SS18L1: variants seen among roughly 807,000 people sequenced by gnomAD.
The protein encoded by SS18L1 is SS18L1 subunit of BAF chromatin remodeling complex.
A neutral mutation model predicts 70.3 loss-of-function variants in SS18L1; 32 were observed. That is an observed-to-expected ratio of 0.46 (90% CI 0.34 to 0.61). The LOEUF (loss-of-function observed/expected upper bound fraction) is 0.61, where lower values mean the gene tolerates loss of function less well. SS18L1 is among the 20% of genes least tolerant of loss of function. The probability of loss-of-function intolerance (pLI) is 0.01; values close to 1 mark genes in which losing one functional copy is unlikely to be tolerated. For missense variants in SS18L1, 430 were observed against 542.1 expected (o/e 0.79, Z 2.05); for synonymous variants, 237 against 229.7 (o/e 1.03, Z -0.29).
In SS18L1 at chr20:62,169,648, G is replaced by A. The variant is rs2057494767; in HGVS notation, c.917-3034G>A. ...ACAAAAACTAGCTGGGCTTGGTGGC[G>A]CATGTCTGTAAAGCCAGCTGCTTGT... On this transcript the variant is annotated intron_variant, in intron 8 of 10. Transcript: ENST00000331758. 5.3e-5 allele frequency among the ~76,000 whole-genome samples: 8 copies of A among 152,116 alleles called. No individual in the cohort carries two copies. The South Asian group carries it at 1.5e-3, about 28-fold the overall frequency.
At chr20:62,150,534 A>G (rs1252853193) in intron 1 of SS18L1, among the ~76,000 whole-genome samples, 1 of 151,018 alleles carries the variant, frequency 6.6e-6, no homozygotes, top group Non-Finnish European at 1.5e-5. Context: ...ATGTAGTGGC[A>G]GAAGACGGGG....
intron 10 of SS18L1, among the ~76,000 whole-genome samples, chr20:62,178,046 GTC>G (rs1233034607): frequency 7.1e-6 from 1 of 140,486 alleles, no homozygotes; most frequent in Non-Finnish European, 1.5e-5. Flanking sequence ...TTAAGACAGG[GTC>G]TCACTCTGTC....
chr20:62,180,339 T>C lies in SS18L1; in HGVS notation c.*1131T>C. The stretch of plus-strand genomic sequence containing the variant: ...CATTAAATCCCATTTAAATTCTGTG[T>C]GAACATTAAAGACAGCACACTTGCA... On this transcript the variant is annotated 3_prime_UTR_variant, in exon 11 of 11. Transcript: ENST00000331758. The C allele has an allele frequency of 5.3e-6, 1 of 188,384 alleles. No homozygotes were observed. Among genetic ancestry groups the C allele is most frequent in the African/African-American group, 2.3e-5 (1 of 42,920 alleles). 11.7% of individuals were successfully genotyped at this position (188,384 alleles called of 1,614,324 possible).
chr20:62,172,706 A>C lies in SS18L1; in HGVS notation c.941A>C (p.Gln314Pro). 1 of 1,614,138 alleles carries C rather than the reference A, an allele frequency of 6.2e-7. No homozygotes were observed. The highest frequency in any genetic ancestry group is 1.1e-5 in the South Asian group (1 of 91,086). The change falls in exon 9 of 11, where the codon CAG becomes CCG. Residue 314 changes from glutamine to proline, a missense_variant. Physicochemically the swap from Gln to Pro is moderately conservative, Grantham distance 76. Transcript: ENST00000331758. ...EGGNSQYSQQ[Q>P]AGYQQGAAQQ... Reference sequence around the variant, plus strand: ...GGAAACTCCCAGTACAGCCAGCAGCAGGCCGGGTACCAGCAGGGTGCCGCG... The same window carrying C: ...GGAAACTCCCAGTACAGCCAGCAGCCGGCCGGGTACCAGCAGGGTGCCGCG...
intron 1 of SS18L1, among the ~76,000 whole-genome samples, chr20:62,153,052 C>T (rs1346141304): frequency 6.6e-6 from 1 of 152,120 alleles, no homozygotes; most frequent in Admixed American, 6.5e-5. Context: ...ACTCACAGTT[C>T]CACAGGGCTG....
intron 8 of SS18L1, among the ~76,000 whole-genome samples, chr20:62,170,367 G>A (rs1349020453): frequency 1.3e-5 from 2 of 152,216 alleles, no homozygotes; most frequent in Admixed American, 6.5e-5. Flanking sequence ...TTAGCTGGGC[G>A]TGGTGGCGGG....
intron 8 of SS18L1, among the ~76,000 whole-genome samples, chr20:62,167,113 T>A (rs534933674): frequency 1.4e-5 from 2 of 140,710 alleles, no homozygotes; most frequent in East Asian, 4.9e-4. Flanking sequence ...TGGTATGATC[T>A]TGGCTCACTG....
At chr20:62,167,034 G>GTTTTT (rs1235961398) in intron 8 of SS18L1, among the ~76,000 whole-genome samples, 2 of 123,492 alleles carry the variant, frequency 1.6e-5, no homozygotes, top group East Asian at 2.6e-4. Context: ...GAGCTCAGGA[G>GTTTTT]TTTGTTTGTT....
chr20:62,177,385 T>A (rs568888905), intron 10 of SS18L1, among the ~76,000 whole-genome samples: 1 of 152,102 alleles, frequency 6.6e-6, no homozygotes, highest in African/African-American at 2.4e-5. Context: ...GCTTTCCGTC[T>A]TACCCAATGG....
chr20:62,166,226 A>G (rs2057427802), intron 8 of SS18L1, among the ~76,000 whole-genome samples: 1 of 152,074 alleles, frequency 6.6e-6, no homozygotes, highest in Non-Finnish European at 1.5e-5. Flanking sequence ...GGATTGCGCA[A>G]CCTCGTCCGG....
In SS18L1 at chr20:62,159,059, G is replaced by A. The variant is rs559814090; in HGVS notation, c.146+311G>A. 265 of 1,456,306 alleles carry A rather than the reference G, an allele frequency of 1.8e-4. 1 individual carries two copies. The African/African-American group carries it at 3.1e-3, about 17-fold the overall frequency. 90.2% of individuals were successfully genotyped at this position (1,456,306 alleles called of 1,614,324 possible). On this transcript the variant is annotated intron_variant, in intron 2 of 10. Transcript: ENST00000331758. This position sits in a 1 kb window ranked among gnomAD's most constrained non-coding sequence, Gnocchi z 4.4. ...CCAGCACGGAGGCCAGATATGTCCC[G>A]AGAGTCCCTGGCACAGCTGCGAAGC...
chr20:62,165,032 C>T (rs965437217), intron 7 of SS18L1, among the ~76,000 whole-genome samples: 2 of 152,226 alleles, frequency 1.3e-5, no homozygotes, highest in Non-Finnish European at 2.9e-5. Flanking sequence ...GCAGGGCAAG[C>T]CACCCTGGCC....
At chr20:62,173,954 C>T (rs1305183468) in intron 9 of SS18L1, among the ~76,000 whole-genome samples, 3 of 151,002 alleles carry the variant, frequency 2.0e-5, no homozygotes, top group Non-Finnish European at 4.4e-5. Context: ...GTGGAGGTTG[C>T]GGTGAGCCAA....
At position 62,161,445 on chromosome 20, in the gene SS18L1, C is replaced by T; in HGVS notation, c.241C>T (p.Gln81Ter). Reference sequence around the variant, plus strand: ...TTCCTGTTGCCTGCAGCCGCCCACGCAGAACATGAACCTGGGCCCTGGAGC... The same window carrying T: ...TTCCTGTTGCCTGCAGCCGCCCACGTAGAACATGAACCTGGGCCCTGGAGC... ...MQSLLPAPPT[Q>*]NMNLGPGALT... Residue 81 changes from glutamine to a stop codon, truncating the protein, a stop_gained, in exon 4 of 11, where the codon CAG becomes TAG. Transcript: ENST00000331758. LOFTEE classifies it high-confidence loss of function. The surrounding 1 kb of genome is among the most constrained non-coding windows in gnomAD (Gnocchi z 4.4). The T allele has an allele frequency of 6.2e-7, 1 of 1,612,906 alleles. No homozygotes were observed. Among genetic ancestry groups the T allele is most frequent in the East Asian group, 2.2e-5 (1 of 44,848 alleles).
chr20:62,163,360 A>G, intron 5 of SS18L1, 98 bp from the exon 6 acceptor site: 4 of 1,552,382 alleles, frequency 2.6e-6, no homozygotes, highest in Non-Finnish European at 3.5e-6. Flanking sequence ...GCACAGGAAA[A>G]TAACGAGGAA....
chr20:62,169,224 G>A (rs1406219904), intron 8 of SS18L1, among the ~76,000 whole-genome samples: 11 of 152,234 alleles, frequency 7.2e-5, no homozygotes, highest in Admixed American at 7.2e-4. Flanking sequence ...GTATGGAGCT[G>A]GGCGCATGGG....
chr20:62,149,894 G>A (rs1568736289), intron 1 of SS18L1, among the ~76,000 whole-genome samples: 1 of 152,224 alleles, frequency 6.6e-6, no homozygotes, highest in Non-Finnish European at 1.5e-5. Context: ...GACGTCGCGT[G>A]TTGCTAGTAC....
At chr20:62,179,133 CT>C in intron 10 of SS18L1, 48 bp from the exon 11 acceptor site, 1 of 1,609,968 alleles carries the variant, frequency 6.2e-7, no homozygotes, top group East Asian at 2.2e-5. Context: ...GTCTGTCTTC[CT>C]TTCACTCATT....
chr20:62,182,509 A>C lies in SS18L1; in HGVS notation c.*3301A>C, dbSNP rs2057730545. 5.4e-6 allele frequency: 1 copy of C among 184,562 alleles called. No individual in the cohort carries two copies. Among genetic ancestry groups the C allele is most frequent in the South Asian group, 1.9e-4 (1 of 5,266 alleles). The allele number at this position is 184,562 out of a possible 1,614,324, so 11.4% of individuals were successfully genotyped here. ...CATCCTATAAAGTGAGTTTTCATGA[A>C]GTTAACGGGATTTTGGTGTGATGTG... is the stretch of plus-strand genomic sequence containing the variant. On this transcript the variant is annotated 3_prime_UTR_variant, in exon 11 of 11. Transcript: ENST00000331758.
Sources: allele counts gnomAD v4.1 joint callset (sites outside exome capture counted in the v4.1 genomes callset), GRCh38; gene constraint gnomAD v4.1.1; non-coding constraint Gnocchi (gnomAD v3.1); transcripts MANE v1.5; gene names NCBI Gene and HGNC (gene_info 2026-07-23, HGNC 2026-07-21).